AGBL1: variants seen among roughly 807,000 people sequenced by gnomAD.
AGBL1 encodes the protein AGBL carboxypeptidase 1.
AGBL1 carries 130 observed loss-of-function variants against 118.9 expected under a neutral mutation model. The observed-to-expected ratio is 1.09, with a 90% CI of 0.95 to 1.26. AGBL1 has a LOEUF of 1.26. AGBL1 is among the 50% of genes most tolerant of loss of function. The pLI is 0.00. For synonymous variants in AGBL1, 555 were observed against 478.9 expected, an observed-to-expected ratio of 1.16 and a Z score of -2.08; for missense variants, 1,584 against 1,298.1, an observed-to-expected ratio of 1.22 and a Z score of -3.38.
At chr15:86,788,609 T>C (rs1048627481) in intron 22 of AGBL1, among the ~76,000 whole-genome samples, 6 of 152,202 alleles carry the variant, frequency 3.9e-5, no homozygotes, top group African/African-American at 1.4e-4. Flanking sequence ...GAGACGGTCA[T>C]AGGCAATTAG....
intron 22 of AGBL1, among the ~76,000 whole-genome samples, chr15:86,791,493 C>T (rs1429959030): frequency 6.6e-6 from 1 of 152,018 alleles, no homozygotes; most frequent in Non-Finnish European, 1.5e-5. Flanking sequence ...CCACAATGGC[C>T]TCAGTCTTTT....
chr15:86,751,558 C>G (rs1216912766), intron 22 of AGBL1, among the ~76,000 whole-genome samples: 1 of 152,028 alleles, frequency 6.6e-6, no homozygotes. Context: ...AGCTTCTGCA[C>G]AGAAAAAGAA....
chr15:86,850,897 TTAGA>T (rs2079399089), intron 22 of AGBL1, among the ~76,000 whole-genome samples: 1 of 152,210 alleles, frequency 6.6e-6, no homozygotes, highest in African/African-American at 2.4e-5. Context: ...TTTATATTAC[TTAGA>T]TACTGTGTGA....
At chr15:86,253,432 G>C (rs1459898626) in intron 7 of AGBL1, among the ~76,000 whole-genome samples, 1 of 152,046 alleles carries the variant, frequency 6.6e-6, no homozygotes, top group Non-Finnish European at 1.5e-5. Context: ...TGTATTTTTA[G>C]TAGAGACGGG....
chr15:86,976,126 C>T (rs2081174266), intron 23 of AGBL1, among the ~76,000 whole-genome samples: 2 of 151,388 alleles, frequency 1.3e-5, no homozygotes, highest in Admixed American at 1.3e-4. Context: ...AGATCTATCA[C>T]ATAGGCTAAA....
At chr15:86,881,313 C>T (rs1326785118) in intron 22 of AGBL1, among the ~76,000 whole-genome samples, 1 of 152,136 alleles carries the variant, frequency 6.6e-6, no homozygotes, top group African/African-American at 2.4e-5. Context: ...GTGGAATGCT[C>T]TCAGTGTCTT....
intron 21 of AGBL1, among the ~76,000 whole-genome samples, chr15:86,653,511 G>A (rs16977889): frequency 4.6e-5 from 7 of 152,168 alleles, no homozygotes; most frequent in South Asian, 2.1e-4. Context: ...GATGAGCAGC[G>A]CACAATCTAT....
chr15:86,890,799 G>A lies in AGBL1; in HGVS notation c.3159-16288G>A, dbSNP rs191297870. Among the ~76,000 whole-genome samples, 167 of 152,270 alleles carry A rather than the reference G, an allele frequency of 1.1e-3. 1 individual carries two copies. The highest frequency in any genetic ancestry group is 3.8e-3 in the African/African-American group (159 of 41,554). On this transcript the variant is annotated intron_variant, in intron 22 of 22. Coordinates refer to ENST00000614907, the MANE Select transcript of AGBL1 (RefSeq NM_001386094.1). The stretch of plus-strand genomic sequence containing the variant: ...CTGTTGTGGTTACTGTAGCCTTGTA[G>A]TATAGTTTGAAGTCAGGTAGCATAA...
intron 17 of AGBL1, among the ~76,000 whole-genome samples, chr15:86,321,448 T>C (rs868002955): frequency 1.3e-5 from 2 of 152,124 alleles, no homozygotes; most frequent in Non-Finnish European, 2.9e-5. Context: ...ATGTTGTTTA[T>C]TCATACCTTA....
chr15:86,080,151 G>A, intron 1 of AGBL1, 128 bp downstream of exon 1: 2 of 636,216 alleles, frequency 3.1e-6, no homozygotes, highest in East Asian at 6.9e-5. Context: ...CAAGAGAACA[G>A]GAGTCGGCTC....
chr15:86,368,224 A>G (rs1346561350), intron 17 of AGBL1, among the ~76,000 whole-genome samples: 1 of 152,048 alleles, frequency 6.6e-6, no homozygotes, highest in Non-Finnish European at 1.5e-5. Flanking sequence ...TGGGGGTCTG[A>G]AGGTGAGGGA....
intron 21 of AGBL1, among the ~76,000 whole-genome samples, chr15:86,614,578 T>C (rs771609041): frequency 3.9e-5 from 6 of 152,294 alleles, no homozygotes; most frequent in East Asian, 1.9e-4. Context: ...CCAATCCCTC[T>C]GGTGTAAATA....
intron 16 of AGBL1, among the ~76,000 whole-genome samples, chr15:86,290,262 G>T (rs557037125): frequency 6.6e-6 from 1 of 151,234 alleles, no homozygotes; most frequent in Admixed American, 6.6e-5. Context: ...GTTTAACTGG[G>T]TTTTATTTTA....
intron 16 of AGBL1, 24 bp from the exon 17 acceptor site, chr15:86,295,231 A>T (rs780674164): frequency 6.2e-7 from 1 of 1,611,646 alleles, no homozygotes; most frequent in Non-Finnish European, 8.5e-7. Context: ...GATAATATAC[A>T]TGCCTGCTTT....
intron 5 of AGBL1, 42 bp from the exon 6 acceptor site, chr15:86,224,872 A>C (rs778224884): frequency 3.7e-6 from 6 of 1,606,538 alleles, no homozygotes; most frequent in South Asian, 1.1e-5. Context: ...TGAGAAAAAG[A>C]CCATTGAATG....
chr15:86,180,917 A>G (rs1256936135), intron 5 of AGBL1, among the ~76,000 whole-genome samples: 2 of 152,136 alleles, frequency 1.3e-5, no homozygotes, highest in Non-Finnish European at 2.9e-5. Flanking sequence ...CACATAAAAT[A>G]TGCTCAACAT....
At chr15:86,413,764 T>G (rs569860890) in intron 18 of AGBL1, among the ~76,000 whole-genome samples, 3 of 152,314 alleles carry the variant, frequency 2.0e-5, no homozygotes, top group Admixed American at 2.0e-4. Flanking sequence ...TTGTAAATTC[T>G]GGATATTAGT....
chr15:86,952,137 A>C (rs1327794117), intron 23 of AGBL1, among the ~76,000 whole-genome samples: 1 of 151,936 alleles, frequency 6.6e-6, no homozygotes, highest in Non-Finnish European at 1.5e-5. Context: ...AGGCTGAGGC[A>C]GGAGAATCAC....
intron 21 of AGBL1, among the ~76,000 whole-genome samples, chr15:86,662,108 AAAAT>A (rs151140629): frequency 0.24 from 36,716 of 152,076 alleles, 5,140 homozygotes; most frequent in East Asian, 0.43. Context: ...AAATTGGAGA[AAAAT>A]AAAGATTTCA....
Sources: allele counts gnomAD v4.1 joint callset (sites outside exome capture counted in the v4.1 genomes callset), GRCh38; gene constraint gnomAD v4.1.1; transcripts MANE v1.5; gene names NCBI Gene and HGNC (gene_info 2026-07-23, HGNC 2026-07-21).